The following RGPD8 variants were observed in gnomAD, a reference collection of about 807,000 sequenced individuals.
The protein encoded by RGPD8 is RANBP2 like and GRIP domain containing 8, also known as RANBP2-like and GRIP domain-containing protein 8.
Under a neutral mutation model 89.1 loss-of-function variants are expected in RGPD8, and 15 were observed. That is an observed-to-expected ratio of 0.17 (90% CI 0.11 to 0.26). RGPD8 has a LOEUF of 0.26. Among genes scored for constraint, RGPD8 ranks in the 10% least tolerant of loss-of-function variants. RGPD8 has a pLI of 1.00. For synonymous variants in RGPD8, 62 were observed against 420.9 expected (o/e 0.15, Z 10.44); for missense variants, 178 against 1,179.6 (o/e 0.15, Z 12.44).
At chr2:112,415,777 G>A (rs1229393790) in intron 6 of RGPD8, among the ~76,000 whole-genome samples, 1 of 146,044 alleles carries the variant, frequency 6.8e-6, no homozygotes, top group African/African-American at 2.6e-5. Flanking sequence ...CACCTATTCA[G>A]GAGGCAGAGA....
chr2:112,389,311 GATC>G lies in RGPD8; in HGVS notation c.3631_3633del (p.Asp1211del), dbSNP rs1678584740. ...TTTTCTTCCTCAGTGACTTTTGTTT[GATC>G]ATTTGTCAAAAATGTTTTGAAATCT... On this transcript the variant is annotated inframe_deletion, in exon 20 of 23. Transcript: ENST00000302558. 6.2e-7 allele frequency: 1 copy of G among 1,602,684 alleles called. No homozygotes were observed. The highest frequency in any genetic ancestry group is 1.7e-5 in the Admixed American group (1 of 59,450).
intron 1 of RGPD8, among the ~76,000 whole-genome samples, chr2:112,430,454 G>GGA (rs1553506898): frequency 6.6e-6 from 1 of 151,710 alleles, no homozygotes; most frequent in African/African-American, 2.4e-5. Flanking sequence ...ATTTGGGGGG[G>GGA]AAAAAAAGAC....
At chr2:112,429,286 T>G (rs1423980476) in intron 1 of RGPD8, among the ~76,000 whole-genome samples, 1 of 150,342 alleles carries the variant, frequency 6.7e-6, no homozygotes, top group Non-Finnish European at 1.5e-5. Context: ...CCGAGTGTTG[T>G]GGCGGGTGCC....
chr2:112,419,962 G>A (rs1679516940), intron 4 of RGPD8, among the ~76,000 whole-genome samples: 1 of 123,654 alleles, frequency 8.1e-6, no homozygotes, highest in Non-Finnish European at 1.7e-5. Flanking sequence ...GTTCATAGCA[G>A]TTGAACAATA....
chr2:112,422,811 T>C (rs1679611431), intron 2 of RGPD8, among the ~76,000 whole-genome samples, 152 bp from the exon 3 acceptor site: 2 of 56,872 alleles, frequency 3.5e-5, no homozygotes, highest in East Asian at 8.7e-4. Context: ...CTCAAAAGTA[T>C]TCATAGAAAG....
chr2:112,410,293 A>G (rs1679117637), intron 7 of RGPD8, among the ~76,000 whole-genome samples: 1 of 146,460 alleles, frequency 6.8e-6, no homozygotes, highest in Non-Finnish European at 1.5e-5. Context: ...ATCTCAAAAA[A>G]AAATAAAATA....
intron 7 of RGPD8, among the ~76,000 whole-genome samples, chr2:112,411,115 G>A (rs1201668041): frequency 5.3e-5 from 8 of 152,286 alleles, no homozygotes; most frequent in Non-Finnish European, 2.9e-5. Context: ...ATTAGAAGGA[G>A]GGGCCTTCTC....
chr2:112,413,099 A>G (rs1404607315), intron 6 of RGPD8, among the ~76,000 whole-genome samples: 1 of 133,180 alleles, frequency 7.5e-6, no homozygotes, highest in Non-Finnish European at 1.6e-5. Flanking sequence ...TATATAGATC[A>G]TTACAGCGTT....
intron 1 of RGPD8, among the ~76,000 whole-genome samples, chr2:112,431,379 A>G (rs919130686): frequency 6.6e-6 from 1 of 152,220 alleles, no homozygotes; most frequent in African/African-American, 2.4e-5. Flanking sequence ...GCAGTTTGAA[A>G]TTACAACGTA....
chr2:112,408,428 A>ATTCT (rs1390527792), intron 7 of RGPD8, among the ~76,000 whole-genome samples: 2 of 119,218 alleles, frequency 1.7e-5, no homozygotes, highest in African/African-American at 6.6e-5. Context: ...TTTGAATTTT[A>ATTCT]GAAATATTCG....
At chr2:112,414,173 T>C (rs1679292614) in intron 6 of RGPD8, among the ~76,000 whole-genome samples, 1 of 144,510 alleles carries the variant, frequency 6.9e-6, no homozygotes, top group Non-Finnish European at 1.5e-5. Context: ...ATAGTTATTT[T>C]TCATAAAAAA....
chr2:112,425,224 A>G (rs1446105075), intron 1 of RGPD8, among the ~76,000 whole-genome samples: 1 of 151,302 alleles, frequency 6.6e-6, no homozygotes, highest in African/African-American at 2.4e-5. Context: ...TGGGGAGGAA[A>G]GGTATTCCAG....
chr2:112,411,113 G>A (rs958831984), intron 7 of RGPD8, among the ~76,000 whole-genome samples: 2 of 152,304 alleles, frequency 1.3e-5, no homozygotes, highest in Non-Finnish European at 2.9e-5. Flanking sequence ...ATATTAGAAG[G>A]AGGGGCCTTC....
intron 7 of RGPD8, among the ~76,000 whole-genome samples, chr2:112,408,823 C>G (rs1287026875): frequency 6.6e-6 from 1 of 151,866 alleles, no homozygotes; most frequent in Non-Finnish European, 1.5e-5. Context: ...AGGCACCCGC[C>G]ACCATGCGTG....
At chr2:112,431,405 C>T (rs1408943542) in intron 1 of RGPD8, among the ~76,000 whole-genome samples, 2 of 152,172 alleles carry the variant, frequency 1.3e-5, no homozygotes, top group African/African-American at 2.4e-5. Flanking sequence ...AGATATCTAT[C>T]CTTCTCTGGA....
At chr2:112,411,037 T>A (rs1469790794) in intron 7 of RGPD8, among the ~76,000 whole-genome samples, 2 of 152,078 alleles carry the variant, frequency 1.3e-5, no homozygotes, top group East Asian at 3.9e-4. Context: ...GTGAGCCAGA[T>A]GGCGCCATTG....
intron 7 of RGPD8, among the ~76,000 whole-genome samples, chr2:112,410,857 G>A (rs554983844): frequency 3.2e-3 from 493 of 152,216 alleles, no homozygotes; most frequent in African/African-American, 0.011. Flanking sequence ...AGGCCGAGAC[G>A]CGCAGATCAC....
At chr2:112,376,601 G>A (rs1447694145) in intron 22 of RGPD8, among the ~76,000 whole-genome samples, 4 of 147,614 alleles carry the variant, frequency 2.7e-5, no homozygotes, top group Non-Finnish European at 4.5e-5. Context: ...AGATCACAAG[G>A]TCAGGAGATT....
intron 6 of RGPD8, among the ~76,000 whole-genome samples, 189 bp downstream of exon 6, chr2:112,417,004 T>A (rs1679438254): frequency 1.4e-5 from 2 of 147,372 alleles, no homozygotes; most frequent in South Asian, 4.2e-4. Context: ...GAAAGTCATA[T>A]AAAACCAATT....
Sources: allele counts gnomAD v4.1 joint callset (sites outside exome capture counted in the v4.1 genomes callset), GRCh38; gene constraint gnomAD v4.1.1; transcripts MANE v1.5; gene names NCBI Gene and HGNC (gene_info 2026-07-23, HGNC 2026-07-21).